Variants in GSTCD observed in about 807,000 individuals in gnomAD.
GSTCD encodes the protein glutathione S-transferase C-terminal domain containing, also known as glutathione S-transferase C-terminal domain-containing protein.
GSTCD carries 44 observed loss-of-function variants against 68.3 expected under a neutral mutation model. That is an observed-to-expected ratio of 0.64 (90% CI 0.51 to 0.83). The LOEUF (loss-of-function observed/expected upper bound fraction) is 0.83, where lower values mean the gene tolerates loss of function less well. GSTCD is among the 40% of genes least tolerant of loss of function. The pLI is 0.00. For missense variants in GSTCD, 739 were observed against 735.9 expected (o/e 1.00, Z -0.05); for synonymous variants, 273 against 255.2 (o/e 1.07, Z -0.67).
rs1476865906 is a variant in GSTCD at position 105,792,506 on chromosome 4, GA to G, written c.1241-30445del. ...TCAGGGTCAGAAACATTGACCTGGA[GA>G]AATCAGTCGTAGTCAATACTTAAGA... On this transcript the variant is annotated intron_variant, in intron 5 of 11. Transcript: ENST00000515279. 3.9e-5 allele frequency among the ~76,000 whole-genome samples: 6 copies of G among 152,068 alleles called. No individual in the cohort carries two copies. In the South Asian group the frequency reaches 1.2e-3, roughly 32 times the overall value.
chr4:105,741,442 G>C (rs1733627070), intron 5 of GSTCD, among the ~76,000 whole-genome samples: 1 of 152,062 alleles, frequency 6.6e-6, no homozygotes, highest in African/African-American at 2.4e-5. Context: ...CACTTAAGTT[G>C]TAATATAGAT....
At chr4:105,823,426 A>G in intron 7 of GSTCD, 151 bp downstream of exon 7, 2 of 543,260 alleles carry the variant, frequency 3.7e-6, no homozygotes, top group Non-Finnish European at 6.5e-6. Context: ...ATAAACTTTC[A>G]AGACTCAGAA....
intron 11 of GSTCD, among the ~76,000 whole-genome samples, chr4:105,842,737 ACTGT>A (rs1724406650): frequency 1.3e-5 from 2 of 152,244 alleles, no homozygotes; most frequent in African/African-American, 4.8e-5. Context: ...AATGCTCTTG[ACTGT>A]TATCTTGGTA....
chr4:105,837,171 A>G (rs748349730), intron 9 of GSTCD, among the ~76,000 whole-genome samples: 9 of 152,180 alleles, frequency 5.9e-5, no homozygotes, highest in Non-Finnish European at 1.3e-4. Flanking sequence ...GCCAATTCCT[A>G]GAGATAGTAA....
chr4:105,765,321 A>G (rs1350914020), intron 5 of GSTCD, among the ~76,000 whole-genome samples: 2 of 152,182 alleles, frequency 1.3e-5, no homozygotes, highest in African/African-American at 4.8e-5. Flanking sequence ...CTGTATGTGC[A>G]TTCCTAATAA....
chr4:105,806,280 C>T (rs1337816382), intron 5 of GSTCD, among the ~76,000 whole-genome samples: 1 of 151,992 alleles, frequency 6.6e-6, no homozygotes, highest in Non-Finnish European at 1.5e-5. Flanking sequence ...AGTATCTAAA[C>T]TTTTTGAGCT....
chr4:105,844,552 T>A (rs1724478597), intron 11 of GSTCD, among the ~76,000 whole-genome samples: 1 of 152,216 alleles, frequency 6.6e-6, no homozygotes, highest in South Asian at 2.1e-4. Flanking sequence ...TGAAGTTGTT[T>A]TAGTTTATCA....
chr4:105,741,444 A>G (rs951692388), intron 5 of GSTCD, among the ~76,000 whole-genome samples: 1 of 152,198 alleles, frequency 6.6e-6, no homozygotes, highest in Non-Finnish European at 1.5e-5. Flanking sequence ...CTTAAGTTGT[A>G]ATATAGATTT....
chr4:105,819,516 A>G (rs942031356), intron 5 of GSTCD, among the ~76,000 whole-genome samples: 1 of 151,790 alleles, frequency 6.6e-6, no homozygotes, highest in Non-Finnish European at 1.5e-5. Context: ...TGGGCATATA[A>G]GTAGGTATCT....
rs1724525846 is a variant in GSTCD at position 105,845,814 on chromosome 4, T to C, written c.*237T>C. ...TTTATAGTGAGAATCCCCTGAAGTC[T>C]CAGCTGCCAAAAGAATAATACTAGT... On this transcript the variant is annotated 3_prime_UTR_variant, in exon 12 of 12. Transcript: ENST00000515279. 1.0e-5 allele frequency: 5 copies of C among 480,594 alleles called. No homozygotes were observed. Among genetic ancestry groups the C allele is most frequent in the South Asian group, 2.9e-5 (1 of 34,400 alleles). 29.8% of individuals were successfully genotyped at this position (480,594 alleles called of 1,614,324 possible).
rs560344722 is a variant in GSTCD at position 105,845,854 on chromosome 4, A to C, written c.*277A>C. The C allele has an allele frequency of 2.8e-6, 1 of 356,392 alleles. No homozygotes were observed. Among genetic ancestry groups the C allele is most frequent in the South Asian group, 5.1e-5 (1 of 19,632 alleles). The allele number at this position is 356,392 out of a possible 1,614,324, so 22.1% of individuals were successfully genotyped here. ...ATAATACTAGTGGAGGTTCCATCACAGGAATAACAATTTCCTTCTCACTTC... is the reference window on the plus strand; with the variant it reads ...ATAATACTAGTGGAGGTTCCATCACCGGAATAACAATTTCCTTCTCACTTC... On this transcript the variant is annotated 3_prime_UTR_variant, in exon 12 of 12. Transcript: ENST00000515279.
At chr4:105,735,673 C>A (rs1012372790) in intron 5 of GSTCD, among the ~76,000 whole-genome samples, 2 of 152,060 alleles carry the variant, frequency 1.3e-5, no homozygotes, top group African/African-American at 4.8e-5. Flanking sequence ...ATGGGCAGCA[C>A]CCACTGTCCT....
At chr4:105,777,481 A>G (rs1247886686) in intron 5 of GSTCD, among the ~76,000 whole-genome samples, 1 of 152,176 alleles carries the variant, frequency 6.6e-6, no homozygotes, top group Non-Finnish European at 1.5e-5. Context: ...TGCAGCTTAG[A>G]TATTAGATAG....
intron 1 of GSTCD, among the ~76,000 whole-genome samples, chr4:105,715,877 T>C (rs1026250915): frequency 6.6e-6 from 1 of 152,070 alleles, no homozygotes; most frequent in African/African-American, 2.4e-5. Flanking sequence ...AAGAGTGCCA[T>C]CTAGTGTCAG....
chr4:105,823,530 A>T (rs550463771), intron 7 of GSTCD: 155 of 305,478 alleles, frequency 5.1e-4, no homozygotes, highest in South Asian at 1.5e-3. Flanking sequence ...AGAAGTAGCT[A>T]TTTTATTGCT....
chr4:105,763,619 A>G (rs922733283), intron 5 of GSTCD, among the ~76,000 whole-genome samples: 11 of 152,172 alleles, frequency 7.2e-5, no homozygotes, highest in Admixed American at 2.0e-4. Flanking sequence ...CCATTTTTTA[A>G]TGTTTTACTA....
intron 5 of GSTCD, among the ~76,000 whole-genome samples, chr4:105,738,055 G>GCAGACCCTTACCT (rs1733515954): frequency 1.3e-5 from 2 of 152,136 alleles, no homozygotes; most frequent in African/African-American, 4.8e-5. Flanking sequence ...GCCATGAGTG[G>GCAGACCCTTACCT]AAGCTTCCTA....
At chr4:105,745,161 T>A (rs1217677271) in intron 5 of GSTCD, among the ~76,000 whole-genome samples, 1 of 152,224 alleles carries the variant, frequency 6.6e-6, no homozygotes, top group Non-Finnish European at 1.5e-5. Flanking sequence ...TGTCAGTCTC[T>A]CAATATATGG....
intron 5 of GSTCD, among the ~76,000 whole-genome samples, chr4:105,744,657 CA>C (rs1733742401): frequency 1.3e-5 from 2 of 152,172 alleles, no homozygotes; most frequent in Admixed American, 6.5e-5. Context: ...GAAATGCCCC[CA>C]ACCATTCTAT....
Sources: allele counts gnomAD v4.1 joint callset (sites outside exome capture counted in the v4.1 genomes callset), GRCh38; gene constraint gnomAD v4.1.1; transcripts MANE v1.5; gene names NCBI Gene and HGNC (gene_info 2026-07-23, HGNC 2026-07-21).